Variants in TTC8 observed in about 807,000 individuals in gnomAD.
The protein encoded by TTC8 is tetratricopeptide repeat protein 8.
TTC8 carries 47 observed loss-of-function variants against 72.5 expected under a neutral mutation model. The observed-to-expected ratio is 0.65, with a 90% CI of 0.51 to 0.83. The LOEUF (loss-of-function observed/expected upper bound fraction) is 0.83. Among genes scored for constraint, TTC8 ranks in the 40% least tolerant of loss-of-function variants. TTC8 has a pLI of 0.00. For synonymous variants in TTC8, 199 were observed against 221.4 expected, an observed-to-expected ratio of 0.90 and a Z score of 0.90; for missense variants, 611 against 623.2, an observed-to-expected ratio of 0.98 and a Z score of 0.21.
chr14:88,880,933 G>C (rs555234691), downstream of TTC8: 9 of 152,186 alleles, frequency 5.9e-5, no homozygotes, highest in South Asian at 1.9e-3. Flanking sequence ...TCAAGAGAAA[G>C]ATACATTTTT....
chr14:88,855,315 C>T (rs370616159), intron 8 of TTC8, among the ~76,000 whole-genome samples: 3 of 152,280 alleles, frequency 2.0e-5, no homozygotes, highest in South Asian at 2.1e-4. Context: ...GAAATAAGCA[C>T]GCAGTTGACA....
At chr14:88,848,929 T>C (rs1326986996) in intron 7 of TTC8, among the ~76,000 whole-genome samples, 1 of 152,202 alleles carries the variant, frequency 6.6e-6, no homozygotes, top group Non-Finnish European at 1.5e-5. Context: ...AAATGAATTA[T>C]AAATTAGGGG....
intron 10 of TTC8, among the ~76,000 whole-genome samples, chr14:88,868,424 CT>C (rs2094920190): frequency 6.6e-6 from 1 of 152,138 alleles, no homozygotes; most frequent in Non-Finnish European, 1.5e-5. Flanking sequence ...TTGAGAACCT[CT>C]GTTCTAATGG....
chr14:88,864,101 T>G (rs2094899651), intron 10 of TTC8, among the ~76,000 whole-genome samples: 1 of 152,238 alleles, frequency 6.6e-6, no homozygotes, highest in Non-Finnish European at 1.5e-5. Context: ...TATTAATAGC[T>G]TCTATACCTA....
At position 88,840,883 on chromosome 14, in the gene TTC8, A is replaced by G. The variant is rs150880478; in HGVS notation, c.284A>G (p.Lys95Arg). 7,333 of 1,614,074 alleles carry G rather than the reference A, an allele frequency of 4.5e-3. 76 individuals carry two copies. The highest frequency in any genetic ancestry group is 0.023 in the South Asian group (2,127 of 91,080). ...CTCCTAGGCCCTGGAACGTCTTTGA[A>G]ACTCCCTGGAACTAATCAGACAGGA... ...AQVPRPGTSL[K>R]LPGTNQTGGP... Residue 95 changes from lysine (K) to arginine (R), a missense_variant, in exon 4 of 15, where the codon AAA becomes AGA. Lys to Arg is a conservative substitution (Grantham distance 26). Coordinates refer to ENST00000380656, the MANE Select transcript of TTC8 (RefSeq NM_144596.4).
chr14:88,864,045 C>G (rs565815812), intron 10 of TTC8, among the ~76,000 whole-genome samples: 2 of 151,938 alleles, frequency 1.3e-5, no homozygotes, highest in Non-Finnish European at 2.9e-5. Flanking sequence ...CTTGAAAATG[C>G]TAGGTATGAT....
Position 88,853,061 on chromosome 14 carries a change from AT to A in TTC8, c.710+8del. On this transcript the variant is annotated splice_donor_region_variant and intron_variant, in intron 8 of 14. Coordinates refer to ENST00000380656, the MANE Select transcript of TTC8 (RefSeq NM_144596.4). ...GATTGGAAAATGTTACTACAGGTAAATTTCATTATTTGTGAAGGGCTTAGAA... is the reference window on the plus strand; with the variant it reads ...GATTGGAAAATGTTACTACAGGTAAATTCATTATTTGTGAAGGGCTTAGAA... 6 of 1,608,636 alleles carry A rather than the reference AT, an allele frequency of 3.7e-6. No homozygotes were observed. The highest frequency in any genetic ancestry group is 5.1e-6 in the Non-Finnish European group (6 of 1,175,474).
Position 88,862,541 on chromosome 14 carries a change from CATATATATATATATATATATATATATAT to C in TTC8, c.909+1238_909+1265del, listed in dbSNP as rs71130022. 6.6e-3 allele frequency among the ~76,000 whole-genome samples: 158 copies of C among 23,814 alleles called. 14 individuals are homozygous for C. Among genetic ancestry groups the C allele is most frequent in the South Asian group, 0.063 (42 of 670 alleles). The allele number at this position is 23,814 out of a possible 152,430, so 15.6% of individuals were successfully genotyped here. On this transcript the variant is annotated intron_variant, in intron 10 of 14. Transcript: ENST00000380656. ...ATTCCATTCTCTCTCTCTCTCTCTC[CATATATATATATATATATATATATATAT>C]ATATATATATATATATATATATATA...
intron 9 of TTC8, among the ~76,000 whole-genome samples, chr14:88,860,951 A>G (rs2094883068): frequency 6.6e-6 from 1 of 151,748 alleles, no homozygotes; most frequent in South Asian, 2.1e-4. Context: ...CTACAGGCAC[A>G]TGCCAGCATG....
chr14:88,853,636 C>T (rs546936260), intron 8 of TTC8, among the ~76,000 whole-genome samples: 2 of 152,288 alleles, frequency 1.3e-5, no homozygotes, highest in Admixed American at 1.3e-4. Context: ...TTTGAGCTCC[C>T]TTTCTGACGC....
intron 13 of TTC8, 64 bp from the exon 14 acceptor site, chr14:88,874,962 C>T: frequency 1.6e-6 from 2 of 1,286,814 alleles, no homozygotes. Flanking sequence ...AAAAAAAACA[C>T]AAATATGGTG....
intron 7 of TTC8, among the ~76,000 whole-genome samples, chr14:88,850,078 A>G (rs1179118905): frequency 6.6e-6 from 1 of 152,124 alleles, no homozygotes; most frequent in Non-Finnish European, 1.5e-5. Context: ...TAATATCTAG[A>G]TATTGGTTTT....
chr14:88,850,938 A>G (rs1264690589), intron 7 of TTC8, among the ~76,000 whole-genome samples: 1 of 152,216 alleles, frequency 6.6e-6, no homozygotes, highest in Non-Finnish European at 1.5e-5. Flanking sequence ...TGGAAGGTAT[A>G]CAGTGATTGG....
In TTC8 at chr14:88,877,429, A is replaced by G. The variant is rs764812995; in HGVS notation, c.*19A>G. The stretch of plus-strand genomic sequence containing the variant: ...GCTCTGATTGTTCCTTAGACCACAT[A>G]TGTTCTTATGAAGCAGCATTATGCA... On this transcript the variant is annotated 3_prime_UTR_variant, in exon 15 of 15. Coordinates refer to ENST00000380656, the MANE Select transcript of TTC8 (RefSeq NM_144596.4). 12 of 1,585,876 alleles carry G rather than the reference A, an allele frequency of 7.6e-6. No homozygotes were observed. Among genetic ancestry groups the G allele is most frequent in the East Asian group, 4.5e-5 (2 of 44,700 alleles).
intron 1 of TTC8, among the ~76,000 whole-genome samples, chr14:88,827,090 C>T (rs2094704896): frequency 6.6e-6 from 1 of 151,750 alleles, no homozygotes; most frequent in South Asian, 2.1e-4. Context: ...GATGTTGGTA[C>T]ATCGGGAAAT....
In TTC8 at chr14:88,871,773, C is replaced by T. The variant is rs1348672425; in HGVS notation, c.1224+50C>T. The T allele has an allele frequency of 4.4e-6, 7 of 1,593,900 alleles. No individual in the cohort carries two copies. The highest frequency in any genetic ancestry group is 2.7e-5 in the African/African-American group (2 of 74,400). ...TCTGTTATAGAAAGTTGGTTTGAGCCAGACACAGTGGCTCATGCCTATAAT... is the reference window on the plus strand; with the variant it reads ...TCTGTTATAGAAAGTTGGTTTGAGCTAGACACAGTGGCTCATGCCTATAAT... On this transcript the variant is annotated intron_variant, in intron 12 of 14. Coordinates refer to ENST00000380656, the MANE Select transcript of TTC8 (RefSeq NM_144596.4). The surrounding 1 kb of genome is among the most constrained non-coding windows in gnomAD (Gnocchi z 4.1).
At chr14:88,878,383 G>A (rs1214583878), downstream of TTC8, 1 of 152,038 alleles carries the variant, frequency 6.6e-6, no homozygotes, top group Non-Finnish European at 1.5e-5. Flanking sequence ...TTGGACTTTG[G>A]GACCTCCATG....
At chr14:88,837,672 G>A (rs530651161) in intron 2 of TTC8, among the ~76,000 whole-genome samples, 7 of 152,198 alleles carry the variant, frequency 4.6e-5, no homozygotes, top group Non-Finnish European at 8.8e-5. Flanking sequence ...AGTATGACCT[G>A]TAGAGATTTA....
intron 1 of TTC8, among the ~76,000 whole-genome samples, chr14:88,828,220 T>G (rs2140951676): frequency 6.6e-6 from 1 of 152,310 alleles, no homozygotes; most frequent in African/African-American, 2.4e-5. Context: ...GCTTCCTAGG[T>G]TCCTCCAGGA....
Sources: allele counts gnomAD v4.1 joint callset (sites outside exome capture counted in the v4.1 genomes callset), GRCh38; gene constraint gnomAD v4.1.1; non-coding constraint Gnocchi (gnomAD v3.1); transcripts MANE v1.5; gene names NCBI Gene and HGNC (gene_info 2026-07-23, HGNC 2026-07-21).